The following ATP10B variants were observed in gnomAD, a reference collection of about 807,000 sequenced individuals.
ATP10B encodes the protein ATPase phospholipid transporting 10B (putative).
ATP10B carries 122 observed loss-of-function variants against 141.2 expected under a neutral mutation model. The ratio of observed to expected loss-of-function variants is 0.86; its 90% CI spans 0.75 to 1.00. ATP10B has a LOEUF of 1.00. Ranked by LOEUF, ATP10B falls within the 50% of genes least tolerant of loss-of-function variation. The pLI is 0.00. For missense variants in ATP10B, 1,876 were observed against 1,825.3 expected (o/e 1.03, Z -0.51); for synonymous variants, 685 against 692.0 (o/e 0.99, Z 0.16).
At chr5:160,622,672 G>T in intron 13 of ATP10B, 87 bp from the exon 14 acceptor site, 2 of 1,242,460 alleles carry the variant, frequency 1.6e-6, no homozygotes, top group Non-Finnish European at 2.2e-6. Flanking sequence ...AAAGGATGAT[G>T]CAGCTTCATT....
intron 3 of ATP10B, among the ~76,000 whole-genome samples, chr5:160,690,767 A>G (rs1401100264): frequency 2.0e-5 from 3 of 152,228 alleles, no homozygotes; most frequent in Admixed American, 2.0e-4. Context: ...GGGAGTGTAA[A>G]TTAGTTCAAT....
At chr5:160,605,201 C>A (rs1032923074) in intron 19 of ATP10B, among the ~76,000 whole-genome samples, 1 of 152,014 alleles carries the variant, frequency 6.6e-6, no homozygotes, top group Admixed American at 6.6e-5. Flanking sequence ...CAGAATAAGC[C>A]ACAATTAAAT....
intron 2 of ATP10B, among the ~76,000 whole-genome samples, chr5:160,751,463 A>G (rs1035261261): frequency 6.6e-5 from 10 of 152,220 alleles, no homozygotes; most frequent in Non-Finnish European, 1.3e-4. Context: ...CTGAGTTGCC[A>G]TGGAAACTGA....
chr5:160,822,989 CATATATATATACATATATATATATATAT>C lies in ATP10B; in HGVS notation c.-576+28924_-576+28951del, dbSNP rs1359426811. Among the ~76,000 whole-genome samples the C allele has an allele frequency of 2.0e-3, 139 of 69,712 alleles. 2 individuals carry two copies. Among genetic ancestry groups the C allele is most frequent in the East Asian group, 0.014 (27 of 1,996 alleles). The allele number at this position is 69,712 out of a possible 152,430, so 45.7% of individuals were successfully genotyped here. A position where few individuals can be genotyped will look rare whatever the true frequency, so the allele number is the denominator to read the frequency against. The stretch of plus-strand genomic sequence containing the variant: ...TGACTATAGTAAAAAATTACATATA[CATATATATATACATATATATATATATAT>C]ATATATATATATATATATAAAATAA... On this transcript the variant is annotated intron_variant, in intron 1 of 25. Transcript: ENST00000327245.
intron 2 of ATP10B, among the ~76,000 whole-genome samples, chr5:160,772,380 C>A (rs4921331): frequency 0.035 from 5,266 of 152,214 alleles, 242 homozygotes; most frequent in East Asian, 0.24. Flanking sequence ...GAACACTGTG[C>A]CTGTCATCCA....
At chr5:160,841,756 G>T (rs1328305316) in intron 1 of ATP10B, among the ~76,000 whole-genome samples, 1 of 151,988 alleles carries the variant, frequency 6.6e-6, no homozygotes, top group Non-Finnish European at 1.5e-5. Context: ...AAGAAGTCTT[G>T]CTCTGTCACC....
chr5:160,791,467 T>C (rs749496792), intron 1 of ATP10B, among the ~76,000 whole-genome samples: 3 of 152,114 alleles, frequency 2.0e-5, no homozygotes, highest in Non-Finnish European at 2.9e-5. Context: ...CCTAAAGTCA[T>C]CCTTTTGGCT....
At chr5:160,885,289 C>G in the ATP10B span, among the ~76,000 whole-genome samples, 18 of 152,194 alleles carry the variant, frequency 1.2e-4, no homozygotes, top group Non-Finnish European at 1.0e-4. Context: ...AAGGAGCACA[C>G]TGTGATTCTA....
At chr5:160,915,204 G>A in the ATP10B span, among the ~76,000 whole-genome samples, 1 of 152,150 alleles carries the variant, frequency 6.6e-6, no homozygotes, top group Admixed American at 6.5e-5. Flanking sequence ...ATTTGAAGGT[G>A]GGGAAGTTGT....
the ATP10B span, among the ~76,000 whole-genome samples, chr5:160,914,275 CCTATT>C: frequency 9.6e-3 from 1,456 of 152,062 alleles, 9 homozygotes; most frequent in Non-Finnish European, 0.015. Context: ...AAAACACTAC[CCTATT>C]CTAAAGAAAG....
rs754959291 is a variant in ATP10B, at chr5:160,634,575, A to G, written c.1160T>C (p.Ile387Thr). 13 of 1,613,590 alleles carry G rather than the reference A, an allele frequency of 8.1e-6. No homozygotes were observed. The East Asian group carries it at 1.3e-4, about 17-fold the overall frequency. Residue 387 changes from isoleucine to threonine, a missense_variant, in exon 12 of 26, where the codon ATT (isoleucine) becomes ACT (threonine). Physicochemically the swap from Ile to Thr is moderately conservative, Grantham distance 89 (BLOSUM62 -1). Transcript: ENST00000327245. ...VLIPISLYVS[I>T]ELVKLGQVFF... ...CACTTGCCCGAGCTTCACCAGCTCA[A>G]TGGAGACATACAAAGAGATGGGGAT... is the stretch of plus-strand genomic sequence containing the variant.
At chr5:160,665,991 T>C (rs1762295619) in intron 7 of ATP10B, among the ~76,000 whole-genome samples, 1 of 152,202 alleles carries the variant, frequency 6.6e-6, no homozygotes, top group African/African-American at 2.4e-5. Flanking sequence ...TGAGATTTGC[T>C]CTTTCAGTGC....
intron 2 of ATP10B, among the ~76,000 whole-genome samples, chr5:160,767,644 C>CCCCCT (rs1554113868): frequency 7.5e-6 from 1 of 133,602 alleles, no homozygotes; most frequent in Middle Eastern, 3.8e-3. Context: ...AACCCCCCCC[C>CCCCCT]CCAAAATAAC....
the ATP10B span, among the ~76,000 whole-genome samples, chr5:160,887,936 C>T: frequency 3.3e-5 from 5 of 152,208 alleles, no homozygotes; most frequent in East Asian, 1.9e-4. Flanking sequence ...TGTTTGCTTA[C>T]GTTGGGAGGC....
Position 160,597,509 on chromosome 5 carries a change from C to G in ATP10B, c.3564+1261G>C, listed in dbSNP as rs113820740. On this transcript the variant is annotated intron_variant, in intron 22 of 25. Coordinates refer to ENST00000327245, the MANE Select transcript of ATP10B (RefSeq NM_025153.3). ...CACAAGGACTTCATGTCTAAAACACCAAAAGCAATGGCAACAAAAGCCAAA... is the reference window on the plus strand; with the variant it reads ...CACAAGGACTTCATGTCTAAAACACGAAAAGCAATGGCAACAAAAGCCAAA... Among the ~76,000 whole-genome samples the G allele has an allele frequency of 3.1e-3, 467 of 152,190 alleles. 1 individual carries two copies. Among genetic ancestry groups the G allele is most frequent in the Non-Finnish European group, 4.6e-3 (312 of 67,996 alleles).
chr5:160,584,020 C>T (rs1215017206), intron 24 of ATP10B, among the ~76,000 whole-genome samples: 1 of 152,126 alleles, frequency 6.6e-6, no homozygotes, highest in African/African-American at 2.4e-5. Context: ...CTTCAGCCCC[C>T]TTTCCAGGGG....
chr5:160,890,268 C>T, the ATP10B span, among the ~76,000 whole-genome samples: 1 of 152,066 alleles, frequency 6.6e-6, no homozygotes, highest in African/African-American at 2.4e-5. Context: ...TTCTTATGAC[C>T]CTGCTGAGTT....
In ATP10B at chr5:160,729,374, C is replaced by T. The variant is rs377459331; in HGVS notation, c.-330-12340G>A. 9.9e-5 allele frequency among the ~76,000 whole-genome samples: 15 copies of T among 152,230 alleles called. 1 individual carries two copies. The highest frequency in any genetic ancestry group is 3.4e-4 in the African/African-American group (14 of 41,562). On this transcript the variant is annotated intron_variant, in intron 2 of 25. Coordinates refer to ENST00000327245, the MANE Select transcript of ATP10B (RefSeq NM_025153.3). Reference sequence around the variant, plus strand: ...GTCCTTCTGCCTTTCTTTCTTTTCTCCTTTCCAATGACTACTGTGTTCCAC... The same window carrying T: ...GTCCTTCTGCCTTTCTTTCTTTTCTTCTTTCCAATGACTACTGTGTTCCAC...
At chr5:160,573,462 G>T (rs1054957390) in intron 24 of ATP10B, among the ~76,000 whole-genome samples, 1 of 152,214 alleles carries the variant, frequency 6.6e-6, no homozygotes, top group Non-Finnish European at 1.5e-5. Context: ...GGGGTCCCCA[G>T]CTCCTGGGCC....
Sources: gnomAD v4.1 joint callset for allele counts (sites outside exome capture counted in the v4.1 genomes callset) on GRCh38, gnomAD v4.1.1 for gene constraint, MANE v1.5 for transcripts, NCBI Gene and HGNC (gene_info 2026-07-23, HGNC 2026-07-21) for gene names.